The following ASIC2 variants were observed in gnomAD, a reference collection of about 807,000 sequenced individuals.
ASIC2 encodes acid-sensing ion channel 2.
A neutral mutation model predicts 57.3 loss-of-function variants in ASIC2; 25 were observed. That is an observed-to-expected ratio of 0.44 (90% CI 0.32 to 0.61). The LOEUF (loss-of-function observed/expected upper bound fraction) is 0.61, where lower values mean the gene tolerates loss of function less well. ASIC2 is among the 20% of genes least tolerant of loss of function. ASIC2 has a pLI of 0.06. For synonymous variants in ASIC2, 319 were observed against 307.5 expected (o/e 1.04, Z -0.39); for missense variants, 641 against 738.1 (o/e 0.87, Z 1.52).
chr17:33,909,626 G>A (rs1481677673), intron 1 of ASIC2, among the ~76,000 whole-genome samples: 1 of 152,196 alleles, frequency 6.6e-6, no homozygotes, highest in African/African-American at 2.4e-5. Context: ...CATGTGCCCT[G>A]GAGTCCGAAG....
chr17:33,836,464 G>A (rs2141904742), intron 1 of ASIC2, among the ~76,000 whole-genome samples: 2 of 152,218 alleles, frequency 1.3e-5, no homozygotes, highest in African/African-American at 4.8e-5. Context: ...TTACAGGCAT[G>A]AGCCTCTGGG....
intron 1 of ASIC2, among the ~76,000 whole-genome samples, chr17:33,552,498 G>C (rs1458418713): frequency 3.3e-5 from 5 of 152,196 alleles, no homozygotes; most frequent in Non-Finnish European, 7.3e-5. Context: ...TAACAACAGG[G>C]ACTTGGTGTC....
chr17:33,808,812 T>C (rs763015526), intron 1 of ASIC2, among the ~76,000 whole-genome samples: 8 of 152,228 alleles, frequency 5.3e-5, no homozygotes, highest in African/African-American at 1.7e-4. Flanking sequence ...GCTTGGTACA[T>C]GACAAATAGT....
chr17:33,683,279 G>C (rs1259737128), intron 1 of ASIC2, among the ~76,000 whole-genome samples: 1 of 152,238 alleles, frequency 6.6e-6, no homozygotes, highest in Non-Finnish European at 1.5e-5. Flanking sequence ...TGTTAACTAG[G>C]ATGGTCTCGA....
chr17:33,636,887 A>C (rs1273905049), intron 1 of ASIC2, among the ~76,000 whole-genome samples: 2 of 151,912 alleles, frequency 1.3e-5, no homozygotes, highest in African/African-American at 2.4e-5. Context: ...ACCCACACAC[A>C]CACACACACC....
At chr17:34,117,526 G>A (rs572510566) in intron 1 of ASIC2, among the ~76,000 whole-genome samples, 2 of 152,306 alleles carry the variant, frequency 1.3e-5, no homozygotes, top group South Asian at 2.1e-4. Flanking sequence ...CATGGGTCTC[G>A]TGGGATGTGG....
At chr17:33,296,572 T>C (rs1387833263), upstream of ASIC2, among the ~76,000 whole-genome samples, 2 of 152,172 alleles carry the variant, frequency 1.3e-5, no homozygotes, top group Non-Finnish European at 2.9e-5. Context: ...CTCTGAAACA[T>C]CTGTTCACCA....
Position 33,236,908 on chromosome 17 carries a change from G to A in ASIC2, c.708+54500C>T, listed in dbSNP as rs148558606. On this transcript the variant is annotated intron_variant, in intron 1 of 9. Coordinates refer to ENST00000225823, the MANE Select transcript of ASIC2 (RefSeq NM_183377.2). ...GGAAGCATGAGTCTGCCAACACCTC[G>A]ATTTTGGACTCCTGGCACCAAAATG... Among the ~76,000 whole-genome samples the A allele has an allele frequency of 2.6e-4, 40 of 152,202 alleles. 1 individual carries two copies. In the South Asian group the frequency reaches 5.4e-3, roughly 21 times the overall value.
At chr17:34,042,641 C>A (rs1346694418) in intron 1 of ASIC2, among the ~76,000 whole-genome samples, 1 of 152,032 alleles carries the variant, frequency 6.6e-6, no homozygotes, top group African/African-American at 2.4e-5. Context: ...ATCTTGATTG[C>A]TGTGATGGTT....
chr17:33,758,238 A>G (rs1318094899), intron 1 of ASIC2, among the ~76,000 whole-genome samples: 3 of 152,200 alleles, frequency 2.0e-5, no homozygotes, highest in Admixed American at 6.5e-5. Context: ...TGTGATACCA[A>G]TTCTTAACAT....
Position 33,932,094 on chromosome 17 carries a change from C to T in ASIC2, c.555+223884G>A, listed in dbSNP as rs189251488. Among the ~76,000 whole-genome samples, 3 of 152,218 alleles carry T rather than the reference C, an allele frequency of 2.0e-5. No individual in the cohort carries two copies. The East Asian group carries it at 5.8e-4, about 30-fold the overall frequency. On this transcript the variant is annotated intron_variant, in intron 1 of 9. Coordinates refer to the ASIC2 transcript ENST00000359872. ...TTCCCCAGAATAGGCAGGGTCAATT[C>T]CAACGCCACCTTCCCAGGGTGATCT...
chr17:33,440,046 TA>T (rs1469992125), intron 1 of ASIC2, among the ~76,000 whole-genome samples: 1 of 152,226 alleles, frequency 6.6e-6, no homozygotes, highest in South Asian at 2.1e-4. Flanking sequence ...TCACCCCTTG[TA>T]AATGCACAGT....
chr17:33,628,017 G>A (rs1413558648), intron 1 of ASIC2, among the ~76,000 whole-genome samples: 1 of 151,970 alleles, frequency 6.6e-6, no homozygotes, highest in South Asian at 2.1e-4. Context: ...GGGACAGAGC[G>A]AGACTCTGTC....
intron 1 of ASIC2, among the ~76,000 whole-genome samples, chr17:33,657,945 A>G (rs1008150654): frequency 1.3e-5 from 2 of 152,172 alleles, no homozygotes; most frequent in Non-Finnish European, 2.9e-5. Context: ...TCTTCTTCCA[A>G]CAACTCCTCA....
At chr17:33,941,948 T>C (rs1916200619) in intron 1 of ASIC2, among the ~76,000 whole-genome samples, 1 of 152,170 alleles carries the variant, frequency 6.6e-6, no homozygotes, top group Admixed American at 6.5e-5. Flanking sequence ...AGGCAGGTGT[T>C]GTTGGGGAGA....
intron 1 of ASIC2, among the ~76,000 whole-genome samples, chr17:33,754,699 G>A (rs929166325): frequency 6.6e-6 from 1 of 152,074 alleles, no homozygotes; most frequent in African/African-American, 2.4e-5. Flanking sequence ...GCTCACGCCT[G>A]TAATCCCAGC....
At chr17:33,921,851 A>G (rs1915715287) in intron 1 of ASIC2, among the ~76,000 whole-genome samples, 3 of 152,186 alleles carry the variant, frequency 2.0e-5, no homozygotes, top group Admixed American at 6.5e-5. Flanking sequence ...TTTTCCCAGG[A>G]GAAGGAGGAG....
At chr17:33,103,564 G>T (rs991378601) in intron 2 of ASIC2, among the ~76,000 whole-genome samples, 3 of 152,114 alleles carry the variant, frequency 2.0e-5, no homozygotes, top group African/African-American at 7.2e-5. Context: ...GTCCTTAAAG[G>T]CTTCCTTGTG....
intron 1 of ASIC2, among the ~76,000 whole-genome samples, chr17:34,148,443 C>T (rs1904378260): frequency 1.3e-5 from 2 of 152,154 alleles, no homozygotes; most frequent in African/African-American, 2.4e-5. Flanking sequence ...AAAGGTTGCC[C>T]CCATAAGGGC....
Sources: gnomAD v4.1 joint callset for allele counts (sites outside exome capture counted in the v4.1 genomes callset) on GRCh38, gnomAD v4.1.1 for gene constraint, MANE v1.5 for transcripts, NCBI Gene and HGNC (gene_info 2026-07-23, HGNC 2026-07-21) for gene names.